CCDC88A: variants seen among roughly 807,000 people sequenced by gnomAD.
The protein encoded by CCDC88A is girdin.
In CCDC88A, 54 loss-of-function variants were observed where a neutral mutation model predicts 234.3. That is an observed-to-expected ratio of 0.23 (90% CI 0.19 to 0.29). The LOEUF (loss-of-function observed/expected upper bound fraction) is 0.29, where lower values mean the gene tolerates loss of function less well. Ranked by LOEUF, CCDC88A falls within the 10% of genes least tolerant of loss-of-function variation. The probability of loss-of-function intolerance (pLI) is 1.00; values close to 1 mark genes in which losing one functional copy is unlikely to be tolerated. For missense variants in CCDC88A, 1,832 were observed against 2,123.4 expected (o/e 0.86, Z 2.70); for synonymous variants, 753 against 737.8 (o/e 1.02, Z -0.33).
rs1685413518 is a variant in CCDC88A at position 55,335,914 on chromosome 2, C to G, written c.1657-750G>C. Among the ~76,000 whole-genome samples, 1 of 152,020 alleles carries G rather than the reference C, an allele frequency of 6.6e-6. No individual in the cohort carries two copies. The highest frequency in any genetic ancestry group is 2.1e-4 in the South Asian group (1 of 4,822). Reference sequence around the variant, plus strand: ...TTTAACTTCTAAAAAAATTAATGCTCAAGCATGGTGGCTGGCACCTATAAT... The same window carrying G: ...TTTAACTTCTAAAAAAATTAATGCTGAAGCATGGTGGCTGGCACCTATAAT... On this transcript the variant is annotated intron_variant, in intron 14 of 32. Transcript: ENST00000436346. The surrounding 1 kb of genome is among the most constrained non-coding windows in gnomAD (Gnocchi z 4.5).
At chr2:55,402,660 T>C (rs1271670212) in intron 2 of CCDC88A, among the ~76,000 whole-genome samples, 1 of 151,834 alleles carries the variant, frequency 6.6e-6, no homozygotes, top group Non-Finnish European at 1.5e-5. Flanking sequence ...AAATTATTGG[T>C]TCTTTGAATT....
intron 12 of CCDC88A, among the ~76,000 whole-genome samples, chr2:55,342,330 A>G (rs1668610468): frequency 6.6e-6 from 1 of 152,198 alleles, no homozygotes; most frequent in African/African-American, 2.4e-5. Context: ...ATTCAATTCT[A>G]CAACACCAGC....
chr2:55,291,642 C>T, intron 32 of CCDC88A, 34 bp downstream of exon 32: 1 of 950,126 alleles, frequency 1.1e-6, no homozygotes, highest in Non-Finnish European at 1.7e-6. Flanking sequence ...ATAAATGAGA[C>T]TAATCTCATT....
chr2:55,324,795 G>T (rs2576707), intron 17 of CCDC88A, among the ~76,000 whole-genome samples: 7 of 151,746 alleles, frequency 4.6e-5, no homozygotes, highest in Non-Finnish European at 8.8e-5. Flanking sequence ...ACAGGTGTGC[G>T]CCACCACGCC....
At chr2:55,412,122 C>T (rs763379655) in intron 2 of CCDC88A, among the ~76,000 whole-genome samples, 25 of 152,130 alleles carry the variant, frequency 1.6e-4, no homozygotes, top group Admixed American at 6.5e-4. Context: ...CATTTACTTA[C>T]AACTTACGAC....
chr2:55,346,913 T>C (rs1481645125), intron 9 of CCDC88A, among the ~76,000 whole-genome samples: 2 of 152,138 alleles, frequency 1.3e-5, no homozygotes, highest in East Asian at 3.8e-4. Context: ...TATACATTTA[T>C]GCTCATATTT....
chr2:55,351,886 A>T (rs578145975), intron 8 of CCDC88A, among the ~76,000 whole-genome samples: 2 of 152,312 alleles, frequency 1.3e-5, no homozygotes, highest in South Asian at 4.1e-4. Context: ...ATATTACTCA[A>T]CTCTAAAAAG....
In CCDC88A at chr2:55,353,048, A is replaced by G. The variant is rs188785882; in HGVS notation, c.800+2531T>C. Among the ~76,000 whole-genome samples the G allele has an allele frequency of 2.0e-5, 3 of 152,324 alleles. No homozygotes were observed. In the East Asian group the frequency reaches 5.8e-4, roughly 29 times the overall value. ...AGATATTAGATGGTATTTGTTGAAAAGCTAGTTACCGGGAATACTAGTTAC... is the reference window on the plus strand; with the variant it reads ...AGATATTAGATGGTATTTGTTGAAAGGCTAGTTACCGGGAATACTAGTTAC... On this transcript the variant is annotated intron_variant, in intron 8 of 32. Transcript: ENST00000436346.
At chr2:55,311,711 T>C (rs1642477420) in intron 23 of CCDC88A, among the ~76,000 whole-genome samples, 1 of 152,210 alleles carries the variant, frequency 6.6e-6, no homozygotes, top group African/African-American at 2.4e-5. Flanking sequence ...TAAAGATGAA[T>C]CATCGGGTAG....
chr2:55,360,397 T>C (rs894774270), intron 7 of CCDC88A, among the ~76,000 whole-genome samples: 12 of 152,190 alleles, frequency 7.9e-5, no homozygotes, highest in Non-Finnish European at 1.0e-4. Flanking sequence ...CTAACATTTT[T>C]CACAATTTTT....
chr2:55,365,757 G>A (rs1177800830), intron 5 of CCDC88A, among the ~76,000 whole-genome samples: 1 of 152,042 alleles, frequency 6.6e-6, no homozygotes, highest in Non-Finnish European at 1.5e-5. Flanking sequence ...AATTTCATAG[G>A]CTTTTGAAGG....
intron 2 of CCDC88A, among the ~76,000 whole-genome samples, chr2:55,414,709 A>G (rs549248162): frequency 2.1e-5 from 1 of 48,076 alleles, no homozygotes; most frequent in South Asian, 5.3e-4. Context: ...CAGCAACAAC[A>G]GAGTCATTAA....
At chr2:55,377,025 G>T (rs1673755420) in intron 3 of CCDC88A, among the ~76,000 whole-genome samples, 1 of 151,936 alleles carries the variant, frequency 6.6e-6, no homozygotes, top group African/African-American at 2.4e-5. Flanking sequence ...GTAGAGACAG[G>T]GTTTCACCAT....
Position 55,315,972 on chromosome 2 carries a change from G to C in CCDC88A, c.3889C>G (p.Gln1297Glu). 1.3e-6 allele frequency: 2 copies of C among 1,583,074 alleles called. No homozygotes were observed. The highest frequency in any genetic ancestry group is 1.7e-6 in the Non-Finnish European group (2 of 1,166,768). ...TTGGTTGATGTAATATCCAATTGTT[G>C]GTATTGTTCCTTTAGTTTTGAAAAT... ...AEFSKLKEQY[Q>E]QLDITSTKLN... Residue 1297 changes from glutamine (Q) to glutamate (E), a missense_variant, in exon 22 of 33, where the codon CAA becomes GAA. By Grantham distance (29) the Gln-to-Glu change is conservative. This residue lies in a region of CCDC88A where 1,282 missense variants were observed against 1,543.6 expected (regional missense o/e 0.83). Transcript: ENST00000436346.
chr2:55,303,219 T>C (rs1427147015), intron 25 of CCDC88A, 67 bp from the exon 26 acceptor site: 1 of 922,044 alleles, frequency 1.1e-6, no homozygotes, highest in Non-Finnish European at 1.7e-6. Flanking sequence ...GAAGAACAGA[T>C]GGGAGTTAAA....
chr2:55,374,579 C>A (rs1479432544), intron 4 of CCDC88A, among the ~76,000 whole-genome samples: 1 of 152,084 alleles, frequency 6.6e-6, no homozygotes, highest in Non-Finnish European at 1.5e-5. Context: ...ACAAAAGTAT[C>A]TGTTTGGTAT....
chr2:55,299,569 A>G (rs1680631490), intron 29 of CCDC88A, among the ~76,000 whole-genome samples: 2 of 152,258 alleles, frequency 1.3e-5, no homozygotes, highest in African/African-American at 2.4e-5. Flanking sequence ...AAATAAGGAC[A>G]TATAGATAAT....
At chr2:55,376,949 G>T (rs1249966508) in intron 3 of CCDC88A, among the ~76,000 whole-genome samples, 1 of 152,088 alleles carries the variant, frequency 6.6e-6, no homozygotes, top group South Asian at 2.1e-4. Flanking sequence ...CTCTGCCTCA[G>T]CGTCCCGAGT....
chr2:55,374,903 A>G lies in CCDC88A; in HGVS notation c.274-20T>C, dbSNP rs1364221634. The G allele has an allele frequency of 3.3e-6, 5 of 1,510,766 alleles. No homozygotes were observed. In the African/African-American group the frequency reaches 6.8e-5, roughly 21 times the overall value. The allele number at this position is 1,510,766 out of a possible 1,614,324, so 93.6% of individuals were successfully genotyped here. Reference sequence around the variant, plus strand: ...AGTCTCCTGTAAAAAAATATCCAACACTTGTTATATGGGTAATGCTAACTA... The same window carrying G: ...AGTCTCCTGTAAAAAAATATCCAACGCTTGTTATATGGGTAATGCTAACTA... On this transcript the variant is annotated intron_variant, in intron 3 of 32. Coordinates refer to ENST00000436346, the MANE Select transcript of CCDC88A (RefSeq NM_001365480.1).
Sources: gnomAD v4.1 joint callset for allele counts (sites outside exome capture counted in the v4.1 genomes callset) on GRCh38, gnomAD v4.1.1 for gene constraint, gnomAD v4.1.1 regional missense constraint, Gnocchi (gnomAD v3.1) non-coding constraint, MANE v1.5 for transcripts, NCBI Gene and HGNC (gene_info 2026-07-23, HGNC 2026-07-21) for gene names.